PLAC8: variants seen among roughly 807,000 people sequenced by gnomAD.
PLAC8 encodes the protein placenta associated 8, also known as placenta-specific gene 8 protein.
In PLAC8, 6 loss-of-function variants were observed where a neutral mutation model predicts 12.6. The observed-to-expected ratio is 0.48, with a 90% CI of 0.26 to 0.94. PLAC8 has a LOEUF of 0.94. Ranked by LOEUF, PLAC8 falls within the 40% of genes least tolerant of loss-of-function variation. The probability of loss-of-function intolerance (pLI) is 0.14; values close to 1 mark genes in which losing one functional copy is unlikely to be tolerated. For missense variants in PLAC8, 122 were observed against 152.7 expected (o/e 0.80, Z 1.06); for synonymous variants, 54 against 52.6 (o/e 1.03, Z -0.11).
At chr4:83,114,093 C>T (rs1032056531) in intron 1 of PLAC8, among the ~76,000 whole-genome samples, 3 of 151,716 alleles carry the variant, frequency 2.0e-5, no homozygotes, top group African/African-American at 4.8e-5. Flanking sequence ...TTGATTGAAA[C>T]ATTTCCATTT....
intron 3 of PLAC8, among the ~76,000 whole-genome samples, chr4:83,103,927 C>G (rs371954158): frequency 6.6e-6 from 1 of 152,172 alleles, no homozygotes; most frequent in Non-Finnish European, 1.5e-5. Context: ...CTGGGCCTCC[C>G]GAAGTGCTGG....
rs182037317 is a variant in PLAC8, at chr4:83,107,949, G to A, written c.-28C>T. On this transcript the variant is annotated splice_region_variant and 5_prime_UTR_variant, in exon 2 of 5. Coordinates refer to ENST00000311507, the MANE Select transcript of PLAC8 (RefSeq NM_016619.3). ...TCAGTGCAGGGCCTTAAAAGCAGTG[G>A]ACTGAAAAGGCAGAGTGGTGTTAGA... The A allele has an allele frequency of 1.5e-3, 1,573 of 1,020,110 alleles. 20 individuals carry two copies. In the African/African-American group the frequency reaches 0.025, roughly 16 times the overall value. 63.2% of individuals were successfully genotyped at this position (1,020,110 alleles called of 1,614,324 possible). A position where few individuals can be genotyped will look rare whatever the true frequency, so the allele number is the denominator to read the frequency against.
At chr4:83,103,551 A>G (rs1473351373) in intron 3 of PLAC8, among the ~76,000 whole-genome samples, 1 of 152,242 alleles carries the variant, frequency 6.6e-6, no homozygotes, top group Non-Finnish European at 1.5e-5. Flanking sequence ...ACTGAATCCA[A>G]TTTTGAAAGA....
intron 1 of PLAC8, among the ~76,000 whole-genome samples, chr4:83,112,453 A>G (rs374397603): frequency 2.1e-4 from 32 of 152,096 alleles, no homozygotes; most frequent in African/African-American, 7.7e-4. Context: ...TAGGAACTGG[A>G]GCAGAATGGG....
intron 1 of PLAC8, among the ~76,000 whole-genome samples, chr4:83,112,028 G>T (rs1732433217): frequency 6.6e-6 from 1 of 151,968 alleles, no homozygotes. Context: ...TACAAAATTA[G>T]CTGGGTGTGG....
At chr4:83,107,173 CA>C (rs1310217677) in intron 2 of PLAC8, among the ~76,000 whole-genome samples, 1 of 144,798 alleles carries the variant, frequency 6.9e-6, no homozygotes, top group African/African-American at 2.6e-5. Context: ...GCACTCCAGC[CA>C]GGGGGACAAG....
chr4:83,104,955 A>T lies in PLAC8; in HGVS notation c.184T>A (p.Cys62Ser). Reference sequence around the variant, plus strand: ...ATTGCGACGCTTGTTCCACACAGACAGCATTCATTCATATCAGCTGCAACT... The same window carrying T: ...ATTGCGACGCTTGTTCCACACAGACTGCATTCATTCATATCAGCTGCAACT... ...CQVAADMNEC[C>S]LCGTSVAMRT... Residue 62 changes from cysteine (C) to serine (S), a missense_variant, in exon 3 of 5, where the codon TGT (cysteine) becomes AGT (serine). Cys to Ser is a moderately radical substitution (Grantham distance 112). Coordinates refer to ENST00000311507, the MANE Select transcript of PLAC8 (RefSeq NM_016619.3). The T allele has an allele frequency of 6.2e-7, 1 of 1,614,180 alleles. No individual in the cohort carries two copies. Among genetic ancestry groups the T allele is most frequent in the South Asian group, 1.1e-5 (1 of 91,086 alleles).
At chr4:83,103,513 T>A (rs1334918033) in intron 3 of PLAC8, among the ~76,000 whole-genome samples, 1 of 152,200 alleles carries the variant, frequency 6.6e-6, no homozygotes, top group Non-Finnish European at 1.5e-5. Context: ...TAAGCTTAGT[T>A]GATAAAGCCG....
In PLAC8 at chr4:83,090,835, A is replaced by G. The variant is rs1043757000; in HGVS notation, c.*146T>C. 1 of 152,156 alleles carries G rather than the reference A, an allele frequency of 6.6e-6. No individual in the cohort carries two copies. Among genetic ancestry groups the G allele is most frequent in the Admixed American group, 6.5e-5 (1 of 15,268 alleles). The allele number at this position is 152,156 out of a possible 1,614,324, so 9.4% of individuals were successfully genotyped here. A position where few individuals can be genotyped will look rare whatever the true frequency, so the allele number is the denominator to read the frequency against. On this transcript the variant is annotated 3_prime_UTR_variant, in exon 5 of 5. Transcript: ENST00000311507. ...TTCAGGGACAACATTCATTTATAAT[A>G]AATCAAAAATTTGATTTTTTTCATG...
intron 2 of PLAC8, among the ~76,000 whole-genome samples, chr4:83,106,949 C>A (rs1193897369): frequency 2.6e-5 from 4 of 152,118 alleles, no homozygotes; most frequent in Non-Finnish European, 5.9e-5. Flanking sequence ...CTTGTAATCC[C>A]AGTACTTTGG....
intron 3 of PLAC8, among the ~76,000 whole-genome samples, chr4:83,101,766 C>A (rs2126141747): frequency 6.6e-6 from 1 of 152,288 alleles, no homozygotes; most frequent in Non-Finnish European, 1.5e-5. Context: ...TTACTATTTG[C>A]AAAATCCTAG....
intron 2 of PLAC8, among the ~76,000 whole-genome samples, chr4:83,106,055 A>G (rs1242600240): frequency 1.3e-5 from 2 of 151,736 alleles, no homozygotes; most frequent in Admixed American, 6.6e-5. Context: ...CCTCGAGTGC[A>G]ATGGTGCGAT....
intron 2 of PLAC8, 51 bp from the exon 3 acceptor site, chr4:83,105,071 A>G (rs1175587853): frequency 6.2e-7 from 1 of 1,610,230 alleles, no homozygotes; most frequent in Non-Finnish European, 8.5e-7. Context: ...CCCCTGCCAC[A>G]GCTGAAAGTT....
chr4:83,101,447 T>A (rs1336276681), intron 3 of PLAC8, among the ~76,000 whole-genome samples: 1 of 152,178 alleles, frequency 6.6e-6, no homozygotes, highest in African/African-American at 2.4e-5. Flanking sequence ...TAAAAGAGGT[T>A]GCTTCATGAG....
intron 3 of PLAC8, among the ~76,000 whole-genome samples, chr4:83,100,160 A>T (rs1488825783): frequency 6.6e-6 from 1 of 151,582 alleles, no homozygotes; most frequent in African/African-American, 2.4e-5. Context: ...GGGCTCCTGT[A>T]GTCCCAGCTA....
intron 2 of PLAC8, among the ~76,000 whole-genome samples, chr4:83,107,389 A>G (rs997891149): frequency 6.6e-6 from 1 of 151,952 alleles, no homozygotes; most frequent in African/African-American, 2.4e-5. Flanking sequence ...TACTGGACAC[A>G]ATGTAACTAT....
intron 3 of PLAC8, among the ~76,000 whole-genome samples, chr4:83,103,442 A>C (rs1394083496): frequency 6.6e-6 from 1 of 152,140 alleles, no homozygotes; most frequent in Non-Finnish European, 1.5e-5. Context: ...GATGGAATCA[A>C]CTCCTGGTGA....
chr4:83,094,022 T>G (rs1329843179), intron 4 of PLAC8: 1 of 152,240 alleles, frequency 6.6e-6, no homozygotes, highest in African/African-American at 2.4e-5. Context: ...GTTCTTCCCA[T>G]ACTTAATATA....
chr4:83,094,796 T>A lies in PLAC8; in HGVS notation c.244-5A>T. 6.6e-7 allele frequency: 1 copy of A among 1,506,382 alleles called. No individual in the cohort carries two copies. The highest frequency in any genetic ancestry group is 2.1e-5 in the Admixed American group (1 of 48,356). The allele number at this position is 1,506,382 out of a possible 1,614,324, so 93.3% of individuals were successfully genotyped here. On this transcript the variant is annotated splice_polypyrimidine_tract_variant and splice_region_variant and intron_variant, in intron 3 of 4. Coordinates refer to ENST00000311507, the MANE Select transcript of PLAC8 (RefSeq NM_016619.3). ...ATAGTCATCACAAATAGATCCCTGT[T>A]TGAAAACCAAAAAGAAATAAAAATA...
Sources: allele counts gnomAD v4.1 joint callset (sites outside exome capture counted in the v4.1 genomes callset), GRCh38; gene constraint gnomAD v4.1.1; transcripts MANE v1.5; gene names NCBI Gene and HGNC (gene_info 2026-07-23, HGNC 2026-07-21).